The following MAGI2 variants were observed in gnomAD, a reference collection of about 807,000 sequenced individuals.
MAGI2 encodes membrane-associated guanylate kinase, WW and PDZ domain-containing protein 2.
Under a neutral mutation model 133.3 loss-of-function variants are expected in MAGI2, and 35 were observed. The observed-to-expected ratio is 0.26, with a 90% CI of 0.20 to 0.35. MAGI2 has a LOEUF of 0.35. Ranked by LOEUF, MAGI2 falls within the 10% of genes least tolerant of loss-of-function variation. The probability of loss-of-function intolerance (pLI) is 1.00; values close to 1 mark genes in which losing one functional copy is unlikely to be tolerated. For missense variants in MAGI2, 1,636 were observed against 1,863.4 expected (o/e 0.88, Z 2.25); for synonymous variants, 729 against 710.6 (o/e 1.03, Z -0.41).
At chr7:78,205,075 A>G (rs1213795507) in intron 10 of MAGI2, among the ~76,000 whole-genome samples, 1 of 152,216 alleles carries the variant, frequency 6.6e-6, no homozygotes, top group Non-Finnish European at 1.5e-5. Context: ...CAGAAGAAAA[A>G]AGACAACACT....
intron 1 of MAGI2, among the ~76,000 whole-genome samples, chr7:79,195,746 T>A (rs1169764220): frequency 6.6e-6 from 1 of 151,856 alleles, no homozygotes; most frequent in African/African-American, 2.4e-5. Context: ...ATTAAAGTAA[T>A]ATCTGTCCTC....
chr7:78,149,577 T>G (rs893757847), intron 16 of MAGI2, among the ~76,000 whole-genome samples: 3 of 152,238 alleles, frequency 2.0e-5, no homozygotes, highest in Non-Finnish European at 4.4e-5. Flanking sequence ...TTGCTGTTCA[T>G]CTAGCAAGTC....
intron 2 of MAGI2, among the ~76,000 whole-genome samples, chr7:78,925,926 T>G (rs1393809374): frequency 6.6e-6 from 1 of 152,012 alleles, no homozygotes; most frequent in Non-Finnish European, 1.5e-5. Flanking sequence ...ACCAAACATT[T>G]GAGAATGATT....
At chr7:79,129,299 C>A (rs1178344530) in intron 1 of MAGI2, among the ~76,000 whole-genome samples, 1 of 152,152 alleles carries the variant, frequency 6.6e-6, no homozygotes. Flanking sequence ...AAGTGAAAAA[C>A]ACTTTCTACT....
intron 1 of MAGI2, among the ~76,000 whole-genome samples, chr7:79,147,155 G>T (rs1220661747): frequency 2.6e-5 from 4 of 152,144 alleles, no homozygotes; most frequent in African/African-American, 9.7e-5. Context: ...ATTTTGACGA[G>T]GATTCAGTAA....
chr7:78,461,908 T>G (rs2048707929), intron 6 of MAGI2, among the ~76,000 whole-genome samples: 1 of 17,452 alleles, frequency 5.7e-5, no homozygotes, highest in Non-Finnish European at 1.4e-4. Flanking sequence ...CAAAGCAAAA[T>G]TCCGTCTCAA....
intron 1 of MAGI2, among the ~76,000 whole-genome samples, chr7:79,119,897 A>T (rs932243741): frequency 6.6e-6 from 1 of 152,128 alleles, no homozygotes; most frequent in Non-Finnish European, 1.5e-5. Context: ...AGAAACTAAA[A>T]GAAACTCTCT....
At chr7:79,182,734 A>G (rs1473769235) in intron 1 of MAGI2, among the ~76,000 whole-genome samples, 2 of 151,960 alleles carry the variant, frequency 1.3e-5, no homozygotes, top group African/African-American at 4.8e-5. Context: ...CCAAACTCCC[A>G]TGTTTATTGC....
chr7:79,011,962 T>C (rs1298423538), intron 1 of MAGI2: 1 of 150,998 alleles, frequency 6.6e-6, no homozygotes, highest in East Asian at 2.0e-4. Flanking sequence ...TGTTCTTTCT[T>C]CCTTTCTTCT....
At chr7:78,571,391 G>A (rs1303900784) in intron 3 of MAGI2, among the ~76,000 whole-genome samples, 3 of 152,110 alleles carry the variant, frequency 2.0e-5, no homozygotes, top group Non-Finnish European at 4.4e-5. Context: ...AACATTTGGG[G>A]AATATGAAAC....
intron 2 of MAGI2, among the ~76,000 whole-genome samples, chr7:78,803,235 A>G (rs564924904): frequency 3.9e-4 from 59 of 152,318 alleles, no homozygotes; most frequent in African/African-American, 1.3e-3. Context: ...TATGTTCTAC[A>G]TAAAGTGTTA....
chr7:78,504,551 A>G (rs1794919418), intron 4 of MAGI2, among the ~76,000 whole-genome samples: 1 of 152,176 alleles, frequency 6.6e-6, no homozygotes. Flanking sequence ...AAAGGTAGTG[A>G]GAGGCAATGT....
At chr7:78,808,474 T>G (rs1788768061) in intron 2 of MAGI2, among the ~76,000 whole-genome samples, 1 of 152,182 alleles carries the variant, frequency 6.6e-6, no homozygotes, top group South Asian at 2.1e-4. Context: ...GCCAGGATGG[T>G]CTCGATCTCT....
intron 1 of MAGI2, among the ~76,000 whole-genome samples, chr7:79,258,424 AC>A (rs1833851330): frequency 6.6e-6 from 1 of 152,026 alleles, no homozygotes; most frequent in Non-Finnish European, 1.5e-5. Flanking sequence ...AACCAAATAA[AC>A]CTTCTTCCTT....
chr7:79,385,556 C>A (rs1844113487), intron 1 of MAGI2, among the ~76,000 whole-genome samples: 1 of 149,122 alleles, frequency 6.7e-6, no homozygotes, highest in Admixed American at 6.7e-5. Context: ...ATCTATTTTC[C>A]TTACCCATTT....
At chr7:78,443,917 G>C (rs932585524) in intron 6 of MAGI2, among the ~76,000 whole-genome samples, 1 of 152,000 alleles carries the variant, frequency 6.6e-6, no homozygotes, top group Non-Finnish European at 1.5e-5. Flanking sequence ...TATATAGAAG[G>C]AGTAGTTGTG....
At chr7:78,536,164 G>C (rs1476151233) in intron 3 of MAGI2, among the ~76,000 whole-genome samples, 6 of 127,600 alleles carry the variant, frequency 4.7e-5, no homozygotes, top group Non-Finnish European at 7.9e-5. Flanking sequence ...CCAGGCTGGA[G>C]TGCAGTGGCG....
In MAGI2 at chr7:78,655,980, C is replaced by CAA. The variant is rs774125665; in HGVS notation, c.419-28743_419-28742dup. The stretch of plus-strand genomic sequence containing the variant: ...TGGGCGACAGAGCAAGACTCCGTCT[C>CAA]AAAAAAAAAAAAAAAAAGAAAAAGA... On this transcript the variant is annotated intron_variant, in intron 2 of 21. Coordinates refer to ENST00000354212, the MANE Select transcript of MAGI2 (RefSeq NM_012301.4). 8.2e-3 allele frequency among the ~76,000 whole-genome samples: 495 copies of CAA among 60,510 alleles called. 24 individuals are homozygous for CAA. Among genetic ancestry groups the CAA allele is most frequent in the East Asian group, 0.029 (40 of 1,378 alleles). The allele number at this position is 60,510 out of a possible 152,430, so 39.7% of individuals were successfully genotyped here. A position where few individuals can be genotyped will look rare whatever the true frequency, so the allele number is the denominator to read the frequency against.
At chr7:78,090,577 A>G (rs1035209361) in intron 20 of MAGI2, among the ~76,000 whole-genome samples, 2 of 152,198 alleles carry the variant, frequency 1.3e-5, no homozygotes, top group Admixed American at 6.5e-5. Context: ...AGCTTCATAA[A>G]TATTTCTTAA....
Sources: gnomAD v4.1 joint callset for allele counts (sites outside exome capture counted in the v4.1 genomes callset) on GRCh38, gnomAD v4.1.1 for gene constraint, MANE v1.5 for transcripts, NCBI Gene and HGNC (gene_info 2026-07-23, HGNC 2026-07-21) for gene names.